Variants in XNDC1N observed in about 807,000 individuals in gnomAD.
The protein encoded by XNDC1N is XRCC1 N-terminal domain containing 1, N-terminal like, also known as protein XNDC1N.
chr11:71,877,189 G>C, the XNDC1N span, among the ~76,000 whole-genome samples: 59 of 152,284 alleles, frequency 3.9e-4, 2 homozygotes, highest in East Asian at 9.8e-3. Context: ...CTAACACTCT[G>C]AAGTATTATA....
chr11:71,882,342 C>T, the XNDC1N span, among the ~76,000 whole-genome samples: 14 of 152,072 alleles, frequency 9.2e-5, no homozygotes, highest in African/African-American at 2.7e-4. Context: ...CTGCAGCCTC[C>T]GCTTCCTGGG....
the XNDC1N span, among the ~76,000 whole-genome samples, chr11:71,883,487 G>A: frequency 6.6e-6 from 1 of 152,044 alleles, no homozygotes; most frequent in African/African-American, 2.4e-5. Flanking sequence ...ATATATAATG[G>A]GGAAAAGATG....
At chr11:71,897,849 C>T in the XNDC1N span, among the ~76,000 whole-genome samples, 1 of 152,208 alleles carries the variant, frequency 6.6e-6, no homozygotes, top group Non-Finnish European at 1.5e-5. Context: ...AAGCACACTG[C>T]AGTTCTTTCA....
At chr11:71,865,649 G>C in the XNDC1N span, 1 of 181,856 alleles carries the variant, frequency 5.5e-6, no homozygotes, top group Non-Finnish European at 1.2e-5. Flanking sequence ...TCTTTCTGAT[G>C]ATACTCTCGA....
At chr11:71,889,115 T>C in the XNDC1N span, among the ~76,000 whole-genome samples, 1 of 152,200 alleles carries the variant, frequency 6.6e-6, no homozygotes, top group South Asian at 2.1e-4. Context: ...GCTGAACTCA[T>C]TGCTTTCATT....
the XNDC1N span, among the ~76,000 whole-genome samples, chr11:71,890,899 T>C: frequency 6.6e-6 from 1 of 151,986 alleles, no homozygotes; most frequent in African/African-American, 2.4e-5. Flanking sequence ...AAAATGTCAC[T>C]GGGGATGTGA....
At chr11:71,873,166 A>G in the XNDC1N span, among the ~76,000 whole-genome samples, 1 of 151,582 alleles carries the variant, frequency 6.6e-6, no homozygotes, top group Non-Finnish European at 1.5e-5. Context: ...GTTTTTTTCT[A>G]TTTATTTTGT....
the XNDC1N span, chr11:71,884,215 C>A: frequency 3.6e-6 from 2 of 548,946 alleles, no homozygotes; most frequent in South Asian, 4.3e-5. Context: ...TCATTTACTA[C>A]TCTCTTTACA....
the XNDC1N span, among the ~76,000 whole-genome samples, chr11:71,907,494 C>T: frequency 2.0e-5 from 3 of 151,784 alleles, no homozygotes; most frequent in Non-Finnish European, 2.9e-5. Flanking sequence ...TTAGGATCCG[C>T]GGTGGACTCA....
chr11:71,899,729 C>T, the XNDC1N span, among the ~76,000 whole-genome samples: 2 of 152,178 alleles, frequency 1.3e-5, no homozygotes, highest in African/African-American at 4.8e-5. Flanking sequence ...TCCAAGTTTT[C>T]TCCCCATGTG....
the XNDC1N span, among the ~76,000 whole-genome samples, chr11:71,877,945 C>T: frequency 3.9e-5 from 6 of 152,128 alleles, no homozygotes; most frequent in Non-Finnish European, 7.4e-5. Context: ...TTATCTCATT[C>T]GATCGATTGG....
chr11:71,924,786 TATAATG>T, the XNDC1N span, among the ~76,000 whole-genome samples: 2 of 152,336 alleles, frequency 1.3e-5, no homozygotes, highest in African/African-American at 4.8e-5. Flanking sequence ...CACATATTAG[TATAATG>T]AACTTATGCA....
the XNDC1N span, among the ~76,000 whole-genome samples, chr11:71,889,702 C>T: frequency 1.2e-4 from 19 of 152,080 alleles, no homozygotes; most frequent in African/African-American, 3.6e-4. Context: ...TGTTACCTGC[C>T]GACAGCATGA....
At chr11:71,890,781 T>G in the XNDC1N span, among the ~76,000 whole-genome samples, 786 of 147,142 alleles carry the variant, frequency 5.3e-3, no homozygotes, top group East Asian at 0.016. Context: ...CTTTCATATT[T>G]GATATCATCC....
At chr11:71,917,282 G>A in the XNDC1N span, 1 of 676,124 alleles carries the variant, frequency 1.5e-6, no homozygotes, top group South Asian at 1.6e-5. Flanking sequence ...CCAAAGTGCT[G>A]GGATTACAGG....
chr11:71,895,354 G>A, the XNDC1N span, among the ~76,000 whole-genome samples: 1 of 151,722 alleles, frequency 6.6e-6, no homozygotes, highest in Non-Finnish European at 1.5e-5. Context: ...TTGTTGCCCA[G>A]GCTGGAGTTC....
the XNDC1N span, among the ~76,000 whole-genome samples, chr11:71,887,564 T>A: frequency 6.6e-6 from 1 of 151,360 alleles, no homozygotes; most frequent in East Asian, 2.0e-4. Context: ...CCTCCAGGAT[T>A]GGCCAGTTAA....
the XNDC1N span, among the ~76,000 whole-genome samples, chr11:71,891,809 C>G: frequency 1.3e-5 from 2 of 151,884 alleles, no homozygotes; most frequent in African/African-American, 4.8e-5. Flanking sequence ...ATCATCGGGG[C>G]TGAACACCCC....
At chr11:71,900,089 C>T in the XNDC1N span, among the ~76,000 whole-genome samples, 1 of 152,272 alleles carries the variant, frequency 6.6e-6, no homozygotes, top group Non-Finnish European at 1.5e-5. Context: ...TTCCCTTGAA[C>T]TTCATTATGA....
Sources: allele counts gnomAD v4.1 joint callset (sites outside exome capture counted in the v4.1 genomes callset), GRCh38; gene constraint gnomAD v4.1.1; transcripts MANE v1.5; gene names NCBI Gene and HGNC (gene_info 2026-07-23, HGNC 2026-07-21).